COPB1: variants seen among roughly 807,000 people sequenced by gnomAD.
The protein encoded by COPB1 is coat protein complex I subunit beta 1.
COPB1 carries 21 observed loss-of-function variants against 108.7 expected under a neutral mutation model. That is an observed-to-expected ratio of 0.19 (90% CI 0.14 to 0.28). COPB1 has a LOEUF of 0.28. Ranked by LOEUF, COPB1 falls within the 10% of genes least tolerant of loss-of-function variation. The pLI, the probability that COPB1 is intolerant of heterozygous loss-of-function variation, is 1.00. For missense variants in COPB1, 919 were observed against 1,141.3 expected (o/e 0.81, Z 2.81); for synonymous variants, 378 against 386.8 (o/e 0.98, Z 0.27).
chr11:14,490,514 C>A (rs2597189), intron 5 of COPB1, 51 bp downstream of exon 5: 1 of 1,041,182 alleles, frequency 9.6e-7, no homozygotes, highest in African/African-American at 1.6e-5. Flanking sequence ...GTAATACTTT[C>A]AATTGTCACT....
At chr11:14,486,341 C>G in intron 7 of COPB1, 26 bp downstream of exon 7, 1 of 1,613,076 alleles carries the variant, frequency 6.2e-7, no homozygotes, top group Non-Finnish European at 8.5e-7. Context: ...ATCATCTAAT[C>G]TGGCCCCAAA....
At chr11:14,497,057 T>C (rs1275848557) in intron 2 of COPB1, among the ~76,000 whole-genome samples, 12 of 152,188 alleles carry the variant, frequency 7.9e-5, no homozygotes, top group Admixed American at 7.9e-4. Context: ...ATTAAAGGCT[T>C]AAATCTAAGA....
rs1850059683 is a variant in COPB1 at position 14,457,754 on chromosome 11, A to G, written c.*70T>C. The G allele has an allele frequency of 1.0e-6, 1 of 962,622 alleles. No individual in the cohort carries two copies. The highest frequency in any genetic ancestry group is 1.6e-5 in the African/African-American group (1 of 61,738). 59.6% of individuals were successfully genotyped at this position (962,622 alleles called of 1,614,324 possible). ...ATTCTATATAAGCATGAAAGAGTAC[A>G]AAAGATGTTGGAGTCCAGTAAGCCC... On this transcript the variant is annotated 3_prime_UTR_variant, in exon 22 of 22. Coordinates refer to ENST00000439561, the MANE Select transcript of COPB1 (RefSeq NM_001144061.2).
intron 13 of COPB1, among the ~76,000 whole-genome samples, chr11:14,475,205 T>C (rs1850496213): frequency 6.6e-6 from 1 of 151,576 alleles, no homozygotes; most frequent in Non-Finnish European, 1.5e-5. Context: ...TTGCAGCTAA[T>C]GAAGTACCTC....
intron 17 of COPB1, among the ~76,000 whole-genome samples, chr11:14,465,557 T>C (rs1410094537): frequency 2.6e-5 from 4 of 152,158 alleles, no homozygotes; most frequent in Non-Finnish European, 4.4e-5. Context: ...GAATGCAAAC[T>C]TCTCAAAAAG....
intron 2 of COPB1, among the ~76,000 whole-genome samples, chr11:14,497,310 C>T (rs1376090451): frequency 6.6e-6 from 1 of 150,990 alleles, no homozygotes; most frequent in African/African-American, 2.4e-5. Context: ...GGATTAATAA[C>T]CAGATATGTA....
intron 10 of COPB1, 21 bp from the exon 11 acceptor site, chr11:14,479,735 A>AT (rs1850619324): frequency 6.5e-7 from 1 of 1,547,898 alleles, no homozygotes. Context: ...AAAAAAAAAA[A>AT]GAAAATGGAA....
rs1850342564 is a variant in COPB1, at chr11:14,468,879, A to G, written c.1966-19T>C. ...ATTCTTTCTGTGTTGAGAATATAAC[A>G]AAGTCTCTCTTTAATATGAAAAGAT... On this transcript the variant is annotated intron_variant, in intron 15 of 21. Coordinates refer to ENST00000439561, the MANE Select transcript of COPB1 (RefSeq NM_001144061.2). 4 of 1,600,756 alleles carry G rather than the reference A, an allele frequency of 2.5e-6. No individual in the cohort carries two copies. In the African/African-American group the frequency reaches 4.0e-5, roughly 16 times the overall value.
At chr11:14,496,317 T>G (rs1010934144) in intron 2 of COPB1, among the ~76,000 whole-genome samples, 14 of 152,118 alleles carry the variant, frequency 9.2e-5, no homozygotes, top group Non-Finnish European at 2.9e-5. Context: ...GTATACATTT[T>G]TAAAATTCAG....
intron 8 of COPB1, 148 bp downstream of exon 8, chr11:14,482,884 A>T (rs1850691791): frequency 1.1e-5 from 7 of 620,168 alleles, no homozygotes; most frequent in Non-Finnish European, 1.8e-5. Context: ...AAAGGCTATG[A>T]TGACTCAATA....
At chr11:14,459,180 T>C (rs1850089906) in intron 20 of COPB1, among the ~76,000 whole-genome samples, 1 of 152,354 alleles carries the variant, frequency 6.6e-6, no homozygotes, top group East Asian at 1.9e-4. Flanking sequence ...TTTTACTGTG[T>C]ATTATACCTC....
chr11:14,489,799 T>A (rs77903294), intron 5 of COPB1, among the ~76,000 whole-genome samples: 1,678 of 152,258 alleles, frequency 0.011, 14 homozygotes, highest in Non-Finnish European at 0.016. Flanking sequence ...GGATGGAAGA[T>A]AGTGATGGTT....
intron 7 of COPB1, among the ~76,000 whole-genome samples, chr11:14,484,871 T>A (rs2134118688): frequency 6.6e-6 from 1 of 152,326 alleles, no homozygotes; most frequent in African/African-American, 2.4e-5. Context: ...AATTTGGCTT[T>A]TAGAACAGCT....
chr11:14,474,405 A>G, intron 14 of COPB1, 90 bp downstream of exon 14: 1 of 1,148,822 alleles, frequency 8.7e-7, no homozygotes, highest in Non-Finnish European at 1.2e-6. Context: ...ACAGAAACTT[A>G]GCATTAATTT....
At chr11:14,485,060 G>C (rs1850740738) in intron 7 of COPB1, among the ~76,000 whole-genome samples, 1 of 152,100 alleles carries the variant, frequency 6.6e-6, no homozygotes. Context: ...ACCTAGGCTG[G>C]AGTAATGATA....
Position 14,464,922 on chromosome 11 carries a change from A to T in COPB1, c.2399T>A (p.Phe800Tyr). 1 of 1,613,040 alleles carries T rather than the reference A, an allele frequency of 6.2e-7. No individual in the cohort carries two copies. Among genetic ancestry groups the T allele is most frequent in the African/African-American group, 1.3e-5 (1 of 75,014 alleles). ...AAACAGCACCTTACCTATATTACCAAAAATTATTCCATTTTCTGTTGATGC... is the reference window on the plus strand; with the variant it reads ...AAACAGCACCTTACCTATATTACCATAAATTATTCCATTTTCTGTTGATGC... ...KVASTENGIIFGNIVYDVSGA... is the reference protein window; with the variant it reads ...KVASTENGIIYGNIVYDVSGA... Residue 800 changes from phenylalanine (F) to tyrosine (Y), a missense_variant, in exon 18 of 22, where the codon TTT (phenylalanine) becomes TAT (tyrosine). Coordinates refer to ENST00000439561, the MANE Select transcript of COPB1 (RefSeq NM_001144061.2).
At chr11:14,497,311 C>G (rs1468778246) in intron 2 of COPB1, among the ~76,000 whole-genome samples, 1 of 149,996 alleles carries the variant, frequency 6.7e-6, no homozygotes, top group Non-Finnish European at 1.5e-5. Context: ...GATTAATAAC[C>G]AGATATGTAA....
At chr11:14,458,969 T>C (rs1850085719) in intron 20 of COPB1, among the ~76,000 whole-genome samples, 1 of 152,184 alleles carries the variant, frequency 6.6e-6, no homozygotes, top group Non-Finnish European at 1.5e-5. Flanking sequence ...GGTTTCACCA[T>C]GTTGGCCAGG....
intron 4 of COPB1, among the ~76,000 whole-genome samples, chr11:14,490,943 C>A (rs1393049045): frequency 6.6e-6 from 1 of 152,112 alleles, no homozygotes; most frequent in African/African-American, 2.4e-5. Context: ...GTGCCCACCA[C>A]TATGCCCAGC....
Sources: allele counts gnomAD v4.1 joint callset (sites outside exome capture counted in the v4.1 genomes callset), GRCh38; gene constraint gnomAD v4.1.1; transcripts MANE v1.5; gene names NCBI Gene and HGNC (gene_info 2026-07-23, HGNC 2026-07-21).